TTC23: variants seen among roughly 807,000 people sequenced by gnomAD.
TTC23 encodes tetratricopeptide repeat protein 23.
A neutral mutation model predicts 55.1 loss-of-function variants in TTC23; 58 were observed. The ratio of observed to expected loss-of-function variants is 1.05; its 90% CI spans 0.85 to 1.31. The LOEUF (loss-of-function observed/expected upper bound fraction) is 1.31, where lower values mean the gene tolerates loss of function less well. Among genes scored for constraint, TTC23 ranks in the 50% most tolerant of loss-of-function variants. The probability of loss-of-function intolerance (pLI) is 0.00; values close to 1 mark genes in which losing one functional copy is unlikely to be tolerated. For missense variants in TTC23, 516 were observed against 534.4 expected, an observed-to-expected ratio of 0.97 and a Z score of 0.34; for synonymous variants, 203 against 199.9, an observed-to-expected ratio of 1.02 and a Z score of -0.13.
chr15:99,198,890 C>T (rs531122549), intron 9 of TTC23, among the ~76,000 whole-genome samples: 2 of 152,320 alleles, frequency 1.3e-5, no homozygotes, highest in African/African-American at 4.8e-5. Flanking sequence ...TATCTTACAA[C>T]TTTTACAGGA....
chr15:99,165,481 A>G (rs542497322), intron 10 of TTC23, among the ~76,000 whole-genome samples: 90 of 152,384 alleles, frequency 5.9e-4, no homozygotes, highest in African/African-American at 1.9e-3. Context: ...AGTTATGTTC[A>G]TCTGCATGAT....
intron 8 of TTC23, among the ~76,000 whole-genome samples, chr15:99,216,309 A>G (rs906752272): frequency 6.6e-6 from 1 of 152,160 alleles, no homozygotes; most frequent in Non-Finnish European, 1.5e-5. Context: ...TTGGAGGGAA[A>G]TTTTAGAGAA....
chr15:99,235,209 T>C (rs534302663), intron 3 of TTC23, 129 bp from the exon 4 acceptor site: 9 of 151,958 alleles, frequency 5.9e-5, no homozygotes, highest in East Asian at 3.9e-4. Flanking sequence ...GATCACACCA[T>C]TGAACCCCAG....
intron 9 of TTC23, among the ~76,000 whole-genome samples, chr15:99,190,264 T>C (rs1481904776): frequency 2.0e-5 from 3 of 151,508 alleles, no homozygotes; most frequent in Non-Finnish European, 4.4e-5. Flanking sequence ...CTTGTTTTTT[T>C]TTTTTGTTTG....
At chr15:99,208,540 G>A (rs899608420) in intron 8 of TTC23, among the ~76,000 whole-genome samples, 4 of 151,988 alleles carry the variant, frequency 2.6e-5, no homozygotes, top group Non-Finnish European at 5.9e-5. Flanking sequence ...ATTGCACAAA[G>A]AATGAAGCAC....
chr15:99,222,414 C>T (rs1046551184), intron 5 of TTC23, among the ~76,000 whole-genome samples: 2 of 152,126 alleles, frequency 1.3e-5, no homozygotes, highest in African/African-American at 4.8e-5. Context: ...GCAGCTGGGA[C>T]CACAGGTGTG....
chr15:99,187,235 C>T (rs958093033), intron 9 of TTC23, among the ~76,000 whole-genome samples: 2 of 151,648 alleles, frequency 1.3e-5, no homozygotes, highest in Non-Finnish European at 2.9e-5. Context: ...ATAAATAGTG[C>T]TAGGACAATT....
At chr15:99,230,638 A>T (rs532014365) in intron 4 of TTC23, among the ~76,000 whole-genome samples, 1 of 152,272 alleles carries the variant, frequency 6.6e-6, no homozygotes, top group South Asian at 2.1e-4. Flanking sequence ...CGTATAAAAA[A>T]TAAAGATAAA....
chr15:99,139,294 A>G (rs782108079), intron 13 of TTC23, 23 bp downstream of exon 13: 9 of 1,607,446 alleles, frequency 5.6e-6, no homozygotes, highest in Non-Finnish European at 7.6e-6. Flanking sequence ...GAGATAGAGA[A>G]AGTGTGAGGG....
rs151128482 is a variant in TTC23 at position 99,156,275 on chromosome 15, T to G, written c.1016A>C (p.Glu339Ala). 467 of 1,614,060 alleles carry G rather than the reference T, an allele frequency of 2.9e-4. No homozygotes were observed. Among genetic ancestry groups the G allele is most frequent in the Non-Finnish European group, 3.7e-4 (438 of 1,180,022 alleles). The part of the protein sequence containing the change: ...QKERATSILR[E>A]SLEAKVEAFG... ...TGCTTCCACTTTGGCTTCCAGGGAC[T>G]CTCTCAGGATCGAGGTTGCTCTCTG... Residue 339 changes from glutamate (E) to alanine (A), a missense_variant, in exon 12 of 14, where the codon GAG becomes GCG. Transcript: ENST00000394132.
chr15:99,184,341 T>C (rs532046686), intron 9 of TTC23, among the ~76,000 whole-genome samples: 95 of 152,170 alleles, frequency 6.2e-4, no homozygotes, highest in South Asian at 5.6e-3. Flanking sequence ...GGAAAAGCCA[T>C]AGACACTCGA....
intron 12 of TTC23, among the ~76,000 whole-genome samples, chr15:99,146,725 CACT>C (rs2068905870): frequency 6.6e-6 from 1 of 152,222 alleles, no homozygotes; most frequent in Non-Finnish European, 1.5e-5. Context: ...AGTCTGTGTA[CACT>C]ACAAATCAAG....
intron 4 of TTC23, among the ~76,000 whole-genome samples, chr15:99,234,486 T>C (rs2079158014): frequency 6.6e-6 from 1 of 152,212 alleles, no homozygotes; most frequent in South Asian, 2.1e-4. Flanking sequence ...TTGTCCTGCC[T>C]CAGCCTCCTG....
intron 12 of TTC23, among the ~76,000 whole-genome samples, chr15:99,149,097 CT>C (rs1555495578): frequency 6.6e-6 from 1 of 152,188 alleles, no homozygotes; most frequent in East Asian, 1.9e-4. Flanking sequence ...TGGTGCTTAG[CT>C]CTAGGAACTG....
chr15:99,216,076 C>G (rs970290900), intron 8 of TTC23, among the ~76,000 whole-genome samples: 1 of 152,168 alleles, frequency 6.6e-6, no homozygotes, highest in African/African-American at 2.4e-5. Context: ...TCTCCTCTCA[C>G]CCCAACAAAA....
intron 8 of TTC23, among the ~76,000 whole-genome samples, chr15:99,200,870 A>G (rs1190268455): frequency 2.0e-5 from 3 of 152,246 alleles, no homozygotes; most frequent in Non-Finnish European, 4.4e-5. Flanking sequence ...AAGTACATCT[A>G]TACTGTGGAA....
chr15:99,148,296 G>A (rs182949860), intron 12 of TTC23, among the ~76,000 whole-genome samples: 34 of 136,468 alleles, frequency 2.5e-4, no homozygotes, highest in East Asian at 1.9e-3. Flanking sequence ...GGGAGGTGGA[G>A]GTTGCAGTGA....
rs115778531 is a variant in TTC23, at chr15:99,227,985, G to A, written c.180+548C>T. ...ACCTGACTACCATTATCTGTCCCCC[G>A]TCTATCTTCCCAACCAAATCCCGAG... On this transcript the variant is annotated intron_variant, in intron 5 of 13. Transcript: ENST00000394132. Among the ~76,000 whole-genome samples, 189 of 152,238 alleles carry A rather than the reference G, an allele frequency of 1.2e-3. 1 individual carries two copies. The highest frequency in any genetic ancestry group is 4.1e-3 in the African/African-American group (171 of 41,540).
chr15:99,218,827 G>A (rs1490508668), intron 7 of TTC23, 71 bp downstream of exon 7: 3 of 1,594,510 alleles, frequency 1.9e-6, no homozygotes, highest in Non-Finnish European at 2.6e-6. Flanking sequence ...ATCAGCATCA[G>A]CTTTTTACTT....
Sources: allele counts gnomAD v4.1 joint callset (sites outside exome capture counted in the v4.1 genomes callset), GRCh38; gene constraint gnomAD v4.1.1; transcripts MANE v1.5; gene names NCBI Gene and HGNC (gene_info 2026-07-23, HGNC 2026-07-21).